PCDHGA5: variants seen among roughly 807,000 people sequenced by gnomAD.
PCDHGA5 encodes the protein protocadherin gamma subfamily A, 5, also known as protocadherin gamma-A5.
Under a neutral mutation model 56.7 loss-of-function variants are expected in PCDHGA5, and 36 were observed. The observed-to-expected ratio is 0.64, with a 90% CI of 0.49 to 0.84. The LOEUF (loss-of-function observed/expected upper bound fraction) is 0.84, where lower values mean the gene tolerates loss of function less well. PCDHGA5 is among the 40% of genes least tolerant of loss of function. PCDHGA5 has a pLI of 0.00. For missense variants in PCDHGA5, 1,305 were observed against 1,201.5 expected (o/e 1.09, Z -1.27); for synonymous variants, 563 against 520.2 (o/e 1.08, Z -1.12).
intron 1 of PCDHGA5, chr5:141,394,137 G>A (rs1406338034): frequency 6.2e-6 from 10 of 1,613,902 alleles, no homozygotes; most frequent in East Asian, 2.2e-5. Context: ...CGCTCTGCAC[G>A]TGGCAGACAT....
intron 1 of PCDHGA5, chr5:141,415,646 A>G: frequency 6.2e-7 from 1 of 1,600,190 alleles, no homozygotes; most frequent in South Asian, 1.1e-5. Context: ...TTTGTTAAAA[A>G]AAAAAAGATT....
intron 3 of PCDHGA5, among the ~76,000 whole-genome samples, chr5:141,508,506 C>G (rs2099869342): frequency 6.6e-6 from 1 of 152,180 alleles, no homozygotes; most frequent in Admixed American, 6.5e-5. Context: ...TCTCTCCCTC[C>G]TGGTCCAGCC....
chr5:141,464,676 T>C (rs1337677151), intron 1 of PCDHGA5, among the ~76,000 whole-genome samples: 3 of 152,176 alleles, frequency 2.0e-5, no homozygotes, highest in Non-Finnish European at 2.9e-5. Context: ...ATAATTTTAA[T>C]TAAAATTTCT....
At chr5:141,368,650 G>GA (rs1765784574) in intron 1 of PCDHGA5, among the ~76,000 whole-genome samples, 1 of 152,076 alleles carries the variant, frequency 6.6e-6, no homozygotes, top group Non-Finnish European at 1.5e-5. Context: ...TTGTGCAATG[G>GA]AAAAATATCT....
intron 1 of PCDHGA5, chr5:141,409,410 A>G (rs1465791228): frequency 6.2e-7 from 1 of 1,614,036 alleles, no homozygotes; most frequent in African/African-American, 1.3e-5. Flanking sequence ...AACTACTACA[A>G]ACTGGTGACA....
chr5:141,399,356 A>G, intron 1 of PCDHGA5: 1 of 1,614,010 alleles, frequency 6.2e-7, no homozygotes, highest in Non-Finnish European at 8.5e-7. Flanking sequence ...GACCGAGAGC[A>G]AACCCCGGAG....
chr5:141,419,617 C>T (rs780077182), intron 1 of PCDHGA5: 2 of 1,612,280 alleles, frequency 1.2e-6, no homozygotes, highest in South Asian at 2.2e-5. Flanking sequence ...AGCCAGGCTA[C>T]CTGGTGACCA....
At chr5:141,385,188 T>A (rs1352073072) in intron 1 of PCDHGA5, 2 of 1,614,080 alleles carry the variant, frequency 1.2e-6, no homozygotes, top group African/African-American at 1.3e-5. Flanking sequence ...CCGCGGACTC[T>A]CGGAAGAGTC....
rs1177173734 is a variant in PCDHGA5, at chr5:141,491,741, G to A, written c.2422-3066G>A. ...CCGCCCCGGGCGACCCCTGGGGGCG[G>A]CACTGGAGAAGCCGCCCGTCCTCAT... On this transcript the variant is annotated intron_variant, in intron 1 of 3. Coordinates refer to ENST00000518069, the MANE Select transcript of PCDHGA5 (RefSeq NM_018918.3). The surrounding 1 kb of genome is among the most constrained non-coding windows in gnomAD (Gnocchi z 6.9). 1.9e-6 allele frequency: 3 copies of A among 1,595,644 alleles called. No homozygotes were observed. In the South Asian group the frequency reaches 3.4e-5, roughly 18 times the overall value.
intron 1 of PCDHGA5, chr5:141,419,105 C>G: frequency 6.2e-7 from 1 of 1,613,918 alleles, no homozygotes; most frequent in Non-Finnish European, 8.5e-7. Context: ...GGAGCAGACC[C>G]CAGAGTACAA....
At chr5:141,461,794 C>T (rs191966750) in intron 1 of PCDHGA5, among the ~76,000 whole-genome samples, 7 of 152,134 alleles carry the variant, frequency 4.6e-5, no homozygotes, top group African/African-American at 1.7e-4. Flanking sequence ...GCTGGGATTA[C>T]AGGTGCCCAC....
At position 141,382,739 on chromosome 5, in the gene PCDHGA5, G is replaced by A. The variant is rs1005950630; in HGVS notation, c.2421+15988G>A. 8.7e-6 allele frequency: 5 copies of A among 573,776 alleles called. No homozygotes were observed. The African/African-American group carries it at 9.3e-5, about 11-fold the overall frequency. The allele number at this position is 573,776 out of a possible 1,614,324, so 35.5% of individuals were successfully genotyped here. On this transcript the variant is annotated intron_variant, in intron 1 of 3. Coordinates refer to ENST00000518069, the MANE Select transcript of PCDHGA5 (RefSeq NM_018918.3). ...ACCGAGTTTTACAGCACAGAGAAACGACAGATTGCGATAAGCCCTCTTCCA... is the reference window on the plus strand; with the variant it reads ...ACCGAGTTTTACAGCACAGAGAAACAACAGATTGCGATAAGCCCTCTTCCA...
chr5:141,428,124 C>T, intron 1 of PCDHGA5: 1 of 1,605,400 alleles, frequency 6.2e-7, no homozygotes, highest in South Asian at 1.1e-5. Context: ...CGAGCCCGGG[C>T]TTTTCAGCCT....
chr5:141,382,040 G>T, intron 1 of PCDHGA5, among the ~76,000 whole-genome samples: 1 of 151,758 alleles, frequency 6.6e-6, no homozygotes, highest in Admixed American at 6.6e-5. Flanking sequence ...TGTTGGTCAG[G>T]CTGGTCTCAA....
In PCDHGA5 at chr5:141,491,091, A is replaced by T; in HGVS notation, c.2422-3716A>T. ...TGTTGCCACAGTCCACAGCCCCAGG[A>T]CTGTTCCTCGTGTCTACACACACTG... On this transcript the variant is annotated intron_variant, in intron 1 of 3. Transcript: ENST00000518069. This position sits in a 1 kb window ranked among gnomAD's most constrained non-coding sequence, Gnocchi z 6.9. The T allele has an allele frequency of 6.2e-7, 1 of 1,614,032 alleles. No individual in the cohort carries two copies. Among genetic ancestry groups the T allele is most frequent in the Non-Finnish European group, 8.5e-7 (1 of 1,180,000 alleles).
chr5:141,418,509 G>A, intron 1 of PCDHGA5: 1 of 1,613,986 alleles, frequency 6.2e-7, no homozygotes. Context: ...GCCTTAGATG[G>A]TGGGGACCCT....
chr5:141,459,580 G>C (rs1364413383), intron 1 of PCDHGA5, among the ~76,000 whole-genome samples: 1 of 152,118 alleles, frequency 6.6e-6, no homozygotes, highest in Non-Finnish European at 1.5e-5. Flanking sequence ...GAATTGTTTT[G>C]GGGGTCATAT....
chr5:141,462,122 C>T (rs1437400069), intron 1 of PCDHGA5, among the ~76,000 whole-genome samples: 1 of 152,044 alleles, frequency 6.6e-6, no homozygotes, highest in South Asian at 2.1e-4. Context: ...TGCACCCAGT[C>T]CAATTTTTTG....
rs566838507 is a variant in PCDHGA5, at chr5:141,415,047, G to T, written c.2421+48296G>T. ...GCGAGCCGGGACTCTTCGCGGTGGG[G>T]GAGCACACGGGCGAGGTGCGCACGG... On this transcript the variant is annotated intron_variant, in intron 1 of 3. Transcript: ENST00000518069. The T allele has an allele frequency of 4.2e-5, 67 of 1,613,220 alleles. 1 individual carries two copies. The Admixed American group carries it at 6.0e-4, about 14-fold the overall frequency.
Sources: gnomAD v4.1 joint callset for allele counts (sites outside exome capture counted in the v4.1 genomes callset) on GRCh38, gnomAD v4.1.1 for gene constraint, Gnocchi (gnomAD v3.1) non-coding constraint, MANE v1.5 for transcripts, NCBI Gene and HGNC (gene_info 2026-07-23, HGNC 2026-07-21) for gene names.